IL1B: variants seen among roughly 807,000 people sequenced by gnomAD.
IL1B encodes interleukin 1 beta.
Under a neutral mutation model 26.2 loss-of-function variants are expected in IL1B, and 11 were observed. The observed-to-expected ratio is 0.42, with a 90% CI of 0.26 to 0.70. The LOEUF (loss-of-function observed/expected upper bound fraction) is 0.70. Among genes scored for constraint, IL1B ranks in the 30% least tolerant of loss-of-function variants. IL1B has a pLI of 0.25. For synonymous variants in IL1B, 118 were observed against 120.8 expected, an observed-to-expected ratio of 0.98 and a Z score of 0.15; for missense variants, 255 against 327.5, an observed-to-expected ratio of 0.78 and a Z score of 1.71.
chr2:112,833,705 C>G, intron 3 of IL1B, 130 bp from the exon 4 acceptor site: 1 of 874,194 alleles, frequency 1.1e-6, no homozygotes, highest in South Asian at 1.4e-5. Flanking sequence ...AAGATCATCC[C>G]TCTCTGGGCC....
chr2:112,835,326 A>G lies in IL1B; in HGVS notation c.99+240T>C, dbSNP rs890927833. 1.7e-5 allele frequency: 10 copies of G among 577,404 alleles called. No individual in the cohort carries two copies. In the Admixed American group the frequency reaches 2.9e-4, roughly 17 times the overall value. 35.8% of individuals were successfully genotyped at this position (577,404 alleles called of 1,614,324 possible). A position where few individuals can be genotyped will look rare whatever the true frequency, so the allele number is the denominator to read the frequency against. ...CTACTATGAAATGGGAAACATTATC[A>G]CTACTCCTCCCCTGTCACCACCAAG... On this transcript the variant is annotated intron_variant, in intron 3 of 6. Coordinates refer to ENST00000263341, the MANE Select transcript of IL1B (RefSeq NM_000576.3).
Position 112,830,530 on chromosome 2 carries a change from C to T in IL1B, c.641G>A (p.Arg214Gln), listed in dbSNP as rs772717932. Residue 214 changes from arginine to glutamine, a missense_variant, in exon 7 of 7, where the codon CGA becomes CAA. By Grantham distance (43) the Arg-to-Gln change is conservative. Coordinates refer to ENST00000263341, the MANE Select transcript of IL1B (RefSeq NM_000576.3). Reference protein sequence around the residue: ...KNYPKKKMEKRFVFNKIEINN... With the variant: ...KNYPKKKMEKQFVFNKIEINN... Reference sequence around the variant, plus strand: ...GATTTCTATCTTGTTGAAGACAAATCGCTTTTCCATCTTCTTCTTTGGGTA... The same window carrying T: ...GATTTCTATCTTGTTGAAGACAAATTGCTTTTCCATCTTCTTCTTTGGGTA... 10 of 1,613,992 alleles carry T rather than the reference C, an allele frequency of 6.2e-6. No individual in the cohort carries two copies. Among genetic ancestry groups the T allele is most frequent in the Admixed American group, 5.0e-5 (3 of 60,000 alleles).
intron 6 of IL1B, 106 bp downstream of exon 6, chr2:112,831,186 C>A: frequency 7.4e-7 from 1 of 1,350,504 alleles, no homozygotes; most frequent in Non-Finnish European, 1.1e-6. Flanking sequence ...GTCAAATAGA[C>A]CTGTTCCCAG....
rs1380708486 is a variant in IL1B at position 112,830,113 on chromosome 2, T to G, written c.*248A>C. On this transcript the variant is annotated 3_prime_UTR_variant, in exon 7 of 7. Transcript: ENST00000263341. ...TTCTGTCAGGCGGGCTTTAAGTGAG[T>G]AGGAGAGGTGAGAGAGGCCTGGCTC... 1.0e-5 allele frequency: 5 copies of G among 495,676 alleles called. No individual in the cohort carries two copies. The East Asian group carries it at 1.4e-4, about 14-fold the overall frequency. The allele number at this position is 495,676 out of a possible 1,614,324, so 30.7% of individuals were successfully genotyped here. A position where few individuals can be genotyped will look rare whatever the true frequency, so the allele number is the denominator to read the frequency against.
intron 4 of IL1B, 148 bp from the exon 5 acceptor site, chr2:112,832,974 G>T (rs1177133437): frequency 6.5e-6 from 5 of 765,814 alleles, no homozygotes; most frequent in Admixed American, 2.0e-5. Context: ...AGCTGGGAGT[G>T]GGGTGGCTAA....
chr2:112,832,166 G>A (rs557897741), intron 5 of IL1B, among the ~76,000 whole-genome samples: 15 of 152,172 alleles, frequency 9.9e-5, no homozygotes, highest in Admixed American at 6.5e-4. Flanking sequence ...ACTTTTGCCC[G>A]TTACAGCGGA....
Position 112,830,153 on chromosome 2 carries a change from G to C in IL1B, c.*208C>G, listed in dbSNP as rs1681953012. 3 of 577,456 alleles carry C rather than the reference G, an allele frequency of 5.2e-6. No homozygotes were observed. The highest frequency in any genetic ancestry group is 2.0e-5 in the South Asian group (1 of 49,184). 35.8% of individuals were successfully genotyped at this position (577,456 alleles called of 1,614,324 possible). A position where few individuals can be genotyped will look rare whatever the true frequency, so the allele number is the denominator to read the frequency against. On this transcript the variant is annotated 3_prime_UTR_variant, in exon 7 of 7. Coordinates refer to ENST00000263341, the MANE Select transcript of IL1B (RefSeq NM_000576.3). Reference sequence around the variant, plus strand: ...AGGCCTGGCTCAACAAAAGGGCTGGGGATTGGCCCTGAAAGGAGAGAGCTG... The same window carrying C: ...AGGCCTGGCTCAACAAAAGGGCTGGCGATTGGCCCTGAAAGGAGAGAGCTG...
chr2:112,835,694 G>T, intron 2 of IL1B, 77 bp from the exon 3 acceptor site: 2 of 1,282,002 alleles, frequency 1.6e-6, no homozygotes, highest in South Asian at 1.2e-5. Flanking sequence ...TACAAGACTT[G>T]ACTGTTCATA....
intron 5 of IL1B, 48 bp downstream of exon 5, chr2:112,832,614 G>A (rs780453031): frequency 1.3e-6 from 2 of 1,578,714 alleles, no homozygotes; most frequent in Admixed American, 1.7e-5. Context: ...TGGAGAATTA[G>A]CAAGCTGCCA....
intron 5 of IL1B, among the ~76,000 whole-genome samples, chr2:112,832,072 C>T (rs1681994706): frequency 6.6e-6 from 1 of 152,210 alleles, no homozygotes; most frequent in Non-Finnish European, 1.5e-5. Flanking sequence ...CTTAGTTGCC[C>T]ACACTCCTGT....
chr2:112,830,745 C>T (rs1218023113), intron 6 of IL1B, among the ~76,000 whole-genome samples, 172 bp from the exon 7 acceptor site: 6 of 151,978 alleles, frequency 3.9e-5, no homozygotes, highest in Non-Finnish European at 8.8e-5. Context: ...TTAAAAGAGC[C>T]CTTCTTCTTT....
Position 112,831,402 on chromosome 2 carries a change from C to A in IL1B, c.487G>T (p.Val163Leu), listed in dbSNP as rs78226748. 1.2e-6 allele frequency: 2 copies of A among 1,613,810 alleles called. No individual in the cohort carries two copies. Among genetic ancestry groups the A allele is most frequent in the East Asian group, 2.2e-5 (1 of 44,852 alleles). Residue 163 changes from valine (V) to leucine (L), a missense_variant, in exon 6 of 7, where the codon GTA becomes TTA. Coordinates refer to ENST00000263341, the MANE Select transcript of IL1B (RefSeq NM_000576.3). ...TTGTCATTACTTTCTTCTCCTTGTA[C>A]AAAGGACATGGAGAACACCACTGAA... The part of the protein sequence containing the change: ...EQQVVFSMSF[V>L]QGEESNDKIP...
chr2:112,832,886 G>C (rs545879830), intron 4 of IL1B, 60 bp from the exon 5 acceptor site: 2 of 1,580,618 alleles, frequency 1.3e-6, no homozygotes, highest in African/African-American at 2.7e-5. Flanking sequence ...CTCGTGAGGC[G>C]AGGCGGCAAA....
Position 112,830,140 on chromosome 2 carries a change from A to G in IL1B, c.*221T>C. The G allele has an allele frequency of 7.2e-6, 4 of 556,318 alleles. No homozygotes were observed. Among genetic ancestry groups the G allele is most frequent in the Non-Finnish European group, 1.3e-5 (4 of 310,732 alleles). The allele number at this position is 556,318 out of a possible 1,614,324, so 34.5% of individuals were successfully genotyped here. ...GGAGAGGTGAGAGAGGCCTGGCTCA[A>G]CAAAAGGGCTGGGGATTGGCCCTGA... On this transcript the variant is annotated 3_prime_UTR_variant, in exon 7 of 7. Transcript: ENST00000263341.
chr2:112,836,266 A>G, intron 1 of IL1B, 22 bp from the exon 2 acceptor site: 4 of 1,582,384 alleles, frequency 2.5e-6, no homozygotes, highest in Non-Finnish European at 2.6e-6. Context: ...GGAGAAAATG[A>G]GTGACTTCCC....
intron 4 of IL1B, 159 bp downstream of exon 4, chr2:112,833,215 A>G: frequency 1.4e-6 from 1 of 725,784 alleles, no homozygotes; most frequent in Non-Finnish European, 2.5e-6. Context: ...TTTCCACTAA[A>G]GAGATGATTG....
intron 2 of IL1B, 89 bp downstream of exon 2, chr2:112,836,094 G>A: frequency 7.9e-7 from 1 of 1,271,810 alleles, no homozygotes; most frequent in Non-Finnish European, 1.1e-6. Context: ...GGCAATTTAG[G>A]GGAAAAATCT....
intron 4 of IL1B, 102 bp downstream of exon 4, chr2:112,833,272 A>T: frequency 8.9e-7 from 1 of 1,123,778 alleles, no homozygotes; most frequent in Admixed American, 1.9e-5. Flanking sequence ...TGGGCCTTCT[A>T]CCTTTAAAGG....
intron 6 of IL1B, among the ~76,000 whole-genome samples, chr2:112,830,962 G>A (rs1681975334): frequency 6.6e-6 from 1 of 151,974 alleles, no homozygotes; most frequent in Middle Eastern, 3.2e-3. Flanking sequence ...GGTAATTTTG[G>A]GAGTGGAGTG....
Sources: gnomAD v4.1 joint callset for allele counts (sites outside exome capture counted in the v4.1 genomes callset) on GRCh38, gnomAD v4.1.1 for gene constraint, MANE v1.5 for transcripts, NCBI Gene and HGNC (gene_info 2026-07-23, HGNC 2026-07-21) for gene names.